LCOR: variants seen among roughly 807,000 people sequenced by gnomAD.
LCOR encodes ligand-dependent corepressor.
A neutral mutation model predicts 64.4 loss-of-function variants in LCOR; 14 were observed. The ratio of observed to expected loss-of-function variants is 0.22; its 90% confidence interval spans 0.14 to 0.34. LCOR has a LOEUF of 0.34. Ranked by LOEUF, LCOR falls within the 10% of genes least tolerant of loss-of-function variation. The pLI is 1.00. For synonymous variants in LCOR, 643 were observed against 642.5 expected (o/e 1.00, Z -0.01); for missense variants, 1,686 against 1,765.3 (o/e 0.96, Z 0.80).
At chr10:96,873,571 C>CGTGTGTGTGTGTGTGT (rs55893181) in intron 2 of LCOR, among the ~76,000 whole-genome samples, 60 of 126,380 alleles carry the variant, frequency 4.7e-4, no homozygotes, top group East Asian at 1.4e-3. Context: ...CACACACACA[C>CGTGTGTGTGTGTGTGT]GTGTGTGTGT....
At chr10:96,958,956 T>C (rs1443435359) in intron 7 of LCOR, 1 of 136,370 alleles carries the variant, frequency 7.3e-6, no homozygotes, top group African/African-American at 2.7e-5. Flanking sequence ...TTTCAAAAGA[T>C]ATATATTTTA....
chr10:96,845,403 C>T (rs1483763806), intron 2 of LCOR, among the ~76,000 whole-genome samples: 1 of 118,376 alleles, frequency 8.4e-6, no homozygotes, highest in African/African-American at 3.2e-5. Flanking sequence ...TTTTATTCAT[C>T]TAGTAAAGAA....
At chr10:96,866,788 C>G (rs560139593) in intron 2 of LCOR, among the ~76,000 whole-genome samples, 2 of 152,076 alleles carry the variant, frequency 1.3e-5, no homozygotes, top group African/African-American at 4.8e-5. Flanking sequence ...GTTGGCCAGG[C>G]TGGTCTCGAA....
chr10:96,849,059 G>GTT (rs1564601890), intron 2 of LCOR, among the ~76,000 whole-genome samples: 4 of 21,784 alleles, frequency 1.8e-4, no homozygotes, highest in Non-Finnish European at 3.2e-4. Flanking sequence ...CTGGCTAATT[G>GTT]TCTTTTTTTT....
At chr10:96,941,387 G>A (rs1159042953) in intron 4 of LCOR, among the ~76,000 whole-genome samples, 2 of 144,650 alleles carry the variant, frequency 1.4e-5, no homozygotes, top group Non-Finnish European at 3.0e-5. Context: ...TCACCTCCCG[G>A]ACTGGGCGGC....
rs1848229517 is a variant in LCOR, at chr10:96,994,798, T to C, written c.*9664T>C. ...CCATATTAGCCTCACTTAATCTCAA[T>C]AGAAGCCTGCTGTTTACCCTCAGGG... On this transcript the variant is annotated 3_prime_UTR_variant, in exon 8 of 8. Coordinates refer to ENST00000421806, the MANE Select transcript of LCOR (RefSeq NM_001346516.2). The C allele has an allele frequency of 6.6e-6, 1 of 152,240 alleles. No homozygotes were observed. Among genetic ancestry groups the C allele is most frequent in the African/African-American group, 2.4e-5 (1 of 41,468 alleles). The allele number at this position is 152,240 out of a possible 1,614,324, so 9.4% of individuals were successfully genotyped here.
intron 2 of LCOR, among the ~76,000 whole-genome samples, chr10:96,857,440 C>T (rs1452253557): frequency 6.6e-6 from 1 of 152,056 alleles, no homozygotes; most frequent in African/African-American, 2.4e-5. Flanking sequence ...TTATCATGTC[C>T]AGCTTCAGCT....
chr10:96,941,291 TC>T (rs1564632702), intron 4 of LCOR, among the ~76,000 whole-genome samples: 1 of 61,142 alleles, frequency 1.6e-5, no homozygotes, highest in African/African-American at 5.3e-5. Context: ...GGGGGGCTGA[TC>T]CCCCCACCTC....
chr10:96,910,927 A>G (rs1324625275), intron 4 of LCOR, among the ~76,000 whole-genome samples: 1 of 152,220 alleles, frequency 6.6e-6, no homozygotes, highest in Admixed American at 6.5e-5. Context: ...GGTGAAAAAT[A>G]CGAAGTAGCC....
intron 4 of LCOR, among the ~76,000 whole-genome samples, chr10:96,922,676 G>A (rs1455570111): frequency 6.6e-6 from 1 of 152,182 alleles, no homozygotes; most frequent in Admixed American, 6.5e-5. Flanking sequence ...GTCTGTGGGG[G>A]TGGTTTGCTT....
intron 6 of LCOR, 39 bp downstream of exon 6, chr10:96,949,334 A>T: frequency 6.3e-7 from 1 of 1,580,890 alleles, no homozygotes; most frequent in Non-Finnish European, 8.7e-7. Flanking sequence ...TCTTATCAGA[A>T]TACTTTACTT....
rs1848150032 is a variant in LCOR, at chr10:96,986,371, G to A, written c.*1237G>A. 6.6e-6 allele frequency: 1 copy of A among 152,610 alleles called. No individual in the cohort carries two copies. The highest frequency in any genetic ancestry group is 6.5e-5 in the Admixed American group (1 of 15,274). 9.5% of individuals were successfully genotyped at this position (152,610 alleles called of 1,614,324 possible). A position where few individuals can be genotyped will look rare whatever the true frequency, so the allele number is the denominator to read the frequency against. ...GGTTAGAGCAGCCTTGCAGTTGGAG[G>A]AAGCAGCTCCAGCATCTGTGAAGAG... On this transcript the variant is annotated 3_prime_UTR_variant, in exon 8 of 8. Transcript: ENST00000421806.
chr10:96,942,235 C>G (rs1488037500), intron 4 of LCOR, among the ~76,000 whole-genome samples: 14 of 151,718 alleles, frequency 9.2e-5, no homozygotes, highest in African/African-American at 3.4e-4. Context: ...CGGTTAGGAG[C>G]TGGAGACCAG....
Position 96,982,012 on chromosome 10 carries a change from A to G in LCOR, c.1552A>G (p.Thr518Ala), listed in dbSNP as rs1341536538. 1.2e-6 allele frequency: 2 copies of G among 1,613,948 alleles called. No individual in the cohort carries two copies. The highest frequency in any genetic ancestry group is 1.7e-6 in the Non-Finnish European group (2 of 1,180,034). Residue 518 changes from threonine to alanine, a missense_variant, in exon 8 of 8, where the codon ACA becomes GCA. Thr to Ala is a moderately conservative substitution (Grantham distance 58). Coordinates refer to ENST00000421806, the MANE Select transcript of LCOR (RefSeq NM_001346516.2). ...CTGTTGTGAGCTGCCAACTGTTCGTACACTGGCCAGAAATTTACACTCCCA... is the reference window on the plus strand; with the variant it reads ...CTGTTGTGAGCTGCCAACTGTTCGTGCACTGGCCAGAAATTTACACTCCCA... ...GDCCELPTVR[T>A]LARNLHSQEK...
rs1202452076 is a variant in LCOR at position 96,983,093 on chromosome 10, A to T, written c.2633A>T (p.Glu878Val). 5.6e-6 allele frequency: 9 copies of T among 1,613,612 alleles called. No individual in the cohort carries two copies. Among genetic ancestry groups the T allele is most frequent in the Non-Finnish European group, 7.6e-6 (9 of 1,179,594 alleles). ...CTTCTACCTGACAGTTTCCACACGG[A>T]AACTCTGGAGGACACAGAAAAGCCA... ...KGLLPDSFHT[E>V]TLEDTEKPSV... Residue 878 changes from glutamate (E) to valine (V), a missense_variant, in exon 8 of 8, where the codon GAA becomes GTA. By Grantham distance (121) the Glu-to-Val change is moderately radical (BLOSUM62 -2). Around this residue, in one of 3 missense-constraint regions of LCOR, gnomAD observed 1,293 missense variants for 1,410.4 expected, o/e 0.92. Transcript: ENST00000421806. The surrounding 1 kb of genome is among the most constrained non-coding windows in gnomAD (Gnocchi z 4.5).
chr10:96,880,702 ATC>A (rs1455817980), intron 2 of LCOR, among the ~76,000 whole-genome samples: 1 of 152,158 alleles, frequency 6.6e-6, no homozygotes, highest in African/African-American at 2.4e-5. Flanking sequence ...CTGGCCAGTT[ATC>A]TGTCTTCTTA....
In LCOR at chr10:96,970,624, A is replaced by ATTTAT. The variant is rs1554841763; in HGVS notation, c.333-10141_333-10137dup. 1.9e-3 allele frequency among the ~76,000 whole-genome samples: 251 copies of ATTTAT among 129,336 alleles called. 1 individual carries two copies. Among genetic ancestry groups the ATTTAT allele is most frequent in the South Asian group, 2.8e-3 (11 of 3,948 alleles). 84.8% of individuals were successfully genotyped at this position (129,336 alleles called of 152,430 possible). Reference sequence around the variant, plus strand: ...ATTTTATTTTATTTTATTTTATTTTATTTATTTTATTTTATTTTATTTTAT... The same window carrying ATTTAT: ...ATTTTATTTTATTTTATTTTATTTTATTTATTTTATTTTATTTTATTTTATTTTAT... On this transcript the variant is annotated intron_variant, in intron 7 of 7. Transcript: ENST00000421806.
chr10:96,859,099 G>C (rs1047951453), intron 2 of LCOR, among the ~76,000 whole-genome samples: 3 of 152,072 alleles, frequency 2.0e-5, no homozygotes, highest in African/African-American at 4.8e-5. Flanking sequence ...GAAGTTCAGA[G>C]CATAAAATGA....
intron 6 of LCOR, among the ~76,000 whole-genome samples, chr10:96,949,541 C>G (rs1487770741): frequency 2.0e-5 from 3 of 152,168 alleles, no homozygotes; most frequent in Non-Finnish European, 4.4e-5. Flanking sequence ...ACAGTTGTCA[C>G]TAATCTTTCA....
Sources: gnomAD v4.1 joint callset for allele counts (sites outside exome capture counted in the v4.1 genomes callset) on GRCh38, gnomAD v4.1.1 for gene constraint, gnomAD v4.1.1 regional missense constraint, Gnocchi (gnomAD v3.1) non-coding constraint, MANE v1.5 for transcripts, NCBI Gene and HGNC (gene_info 2026-07-23, HGNC 2026-07-21) for gene names.